Variants in NFATC3 observed in about 807,000 individuals in gnomAD.
NFATC3 encodes nuclear factor of activated T cells 3.
Under a neutral mutation model 98.6 loss-of-function variants are expected in NFATC3, and 46 were observed. The ratio of observed to expected loss-of-function variants is 0.47; its 90% CI spans 0.37 to 0.60. The LOEUF (loss-of-function observed/expected upper bound fraction) is 0.60. NFATC3 is among the 20% of genes least tolerant of loss of function. The pLI, the probability that NFATC3 is intolerant of heterozygous loss-of-function variation, is 0.00. For missense variants in NFATC3, 1,256 were observed against 1,295.5 expected (o/e 0.97, Z 0.47); for synonymous variants, 512 against 472.2 (o/e 1.08, Z -1.09).
Position 68,085,661 on chromosome 16 carries a change from G to A in NFATC3, c.-21G>A. The stretch of plus-strand genomic sequence containing the variant: ...CGCCGCCGCCGCCTGAGGAGGAGCT[G>A]CAGCACCCTGGGCCACGCCGATGAC... On this transcript the variant is annotated 5_prime_UTR_variant, in exon 1 of 10. Coordinates refer to ENST00000346183, the MANE Select transcript of NFATC3 (RefSeq NM_173165.3). 6.7e-7 allele frequency: 1 copy of A among 1,500,318 alleles called. No individual in the cohort carries two copies. The highest frequency in any genetic ancestry group is 1.2e-5 in the South Asian group (1 of 80,078). The allele number at this position is 1,500,318 out of a possible 1,614,324, so 92.9% of individuals were successfully genotyped here. A position where few individuals can be genotyped will look rare whatever the true frequency, so the allele number is the denominator to read the frequency against.
chr16:68,189,078 C>G (rs1440835967), intron 8 of NFATC3, among the ~76,000 whole-genome samples: 3 of 152,170 alleles, frequency 2.0e-5, no homozygotes, highest in Non-Finnish European at 4.4e-5. Context: ...TGTTCTTTCC[C>G]CCATTGAATG....
At chr16:68,224,171 T>C (rs889929962) in intron 9 of NFATC3, among the ~76,000 whole-genome samples, 3 of 150,494 alleles carry the variant, frequency 2.0e-5, no homozygotes, top group African/African-American at 7.3e-5. Flanking sequence ...AGTTATTAGC[T>C]CACCAGTATT....
chr16:68,164,998 T>G (rs557447572), intron 4 of NFATC3, among the ~76,000 whole-genome samples: 42 of 152,362 alleles, frequency 2.8e-4, no homozygotes, highest in East Asian at 9.6e-4. Flanking sequence ...GCTTTTTTGT[T>G]TTTTGCATTT....
intron 9 of NFATC3, among the ~76,000 whole-genome samples, chr16:68,220,527 T>C (rs1450020631): frequency 2.0e-5 from 3 of 151,616 alleles, no homozygotes; most frequent in Non-Finnish European, 4.4e-5. Context: ...CCTTATACTC[T>C]TATCTTAAAT....
At chr16:68,137,808 G>A (rs190525961) in intron 3 of NFATC3, among the ~76,000 whole-genome samples, 1 of 151,866 alleles carries the variant, frequency 6.6e-6, no homozygotes, top group East Asian at 1.9e-4. Flanking sequence ...AGTAGAGATG[G>A]GGTTTCACCG....
chr16:68,114,763 C>T (rs982357392), intron 1 of NFATC3, among the ~76,000 whole-genome samples: 8 of 151,862 alleles, frequency 5.3e-5, no homozygotes, highest in South Asian at 2.1e-4. Flanking sequence ...TTAGTAGAGA[C>T]GGGGTTTCAC....
At chr16:68,111,522 A>G (rs2035945564) in intron 1 of NFATC3, among the ~76,000 whole-genome samples, 1 of 152,046 alleles carries the variant, frequency 6.6e-6, no homozygotes, top group Admixed American at 6.5e-5. Context: ...ATGTCTTTGC[A>G]TGTTAGATGG....
chr16:68,136,372 A>T (rs1024147985), intron 3 of NFATC3, among the ~76,000 whole-genome samples: 2 of 152,024 alleles, frequency 1.3e-5, no homozygotes, highest in Admixed American at 6.6e-5. Context: ...GGCTCAAGCG[A>T]TCCTCTCCAC....
At chr16:68,138,702 T>C in intron 3 of NFATC3, 1 of 1,287,972 alleles carries the variant, frequency 7.8e-7, no homozygotes, top group Non-Finnish European at 1.0e-6. Context: ...GCAGAAGTAC[T>C]GGGAAAAGTA....
At chr16:68,159,146 C>G (rs940124082) in intron 4 of NFATC3, among the ~76,000 whole-genome samples, 20 of 152,184 alleles carry the variant, frequency 1.3e-4, no homozygotes, top group African/African-American at 3.9e-4. Context: ...GTAGGAGGAT[C>G]ACTTGCCCGG....
chr16:68,104,850 T>G (rs1349561074), intron 1 of NFATC3, among the ~76,000 whole-genome samples: 1 of 151,950 alleles, frequency 6.6e-6, no homozygotes, highest in Non-Finnish European at 1.5e-5. Flanking sequence ...GAGACAGGGC[T>G]TCACCATGTT....
chr16:68,196,414 C>T lies in NFATC3; in HGVS notation c.3106+4639C>T, dbSNP rs554854636. ...GGGATTACAGGCATGAGCCACCATG[C>T]CCAGCCTAAAATGAATTTTTGATAT... On this transcript the variant is annotated intron_variant, in intron 9 of 9. Transcript: ENST00000346183. Among the ~76,000 whole-genome samples the T allele has an allele frequency of 2.6e-4, 39 of 152,286 alleles. No homozygotes were observed. In the East Asian group the frequency reaches 6.6e-3, roughly 26 times the overall value.
intron 1 of NFATC3, among the ~76,000 whole-genome samples, chr16:68,101,711 C>T (rs1242757711): frequency 6.6e-6 from 1 of 151,874 alleles, no homozygotes; most frequent in Non-Finnish European, 1.5e-5. Context: ...TCTTGATCCC[C>T]TGACCTCATG....
In NFATC3 at chr16:68,191,185, C is replaced by T; in HGVS notation, c.2516C>T (p.Ser839Phe). 2.5e-6 allele frequency: 4 copies of T among 1,614,180 alleles called. No individual in the cohort carries two copies. In the African/African-American group the frequency reaches 4.0e-5, roughly 16 times the overall value. Residue 839 changes from serine to phenylalanine, a missense_variant, in exon 9 of 10, where the codon TCT (serine) becomes TTT (phenylalanine). Ser to Phe is a radical substitution (Grantham distance 155, BLOSUM62 -2). Coordinates refer to ENST00000346183, the MANE Select transcript of NFATC3 (RefSeq NM_173165.3). Reference sequence around the variant, plus strand: ...TTGTTTCAGCAGGATGCAACTCTTTCTGGTTTAGTGAATCTTGGCTGTCAA... The same window carrying T: ...TTGTTTCAGCAGGATGCAACTCTTTTTGGTTTAGTGAATCTTGGCTGTCAA... ...SVLFQQDATL[S>F]GLVNLGCQPL...
chr16:68,227,155 T>C lies in NFATC3; in HGVS notation c.*684T>C, dbSNP rs1386577673. 6.6e-6 allele frequency: 1 copy of C among 152,180 alleles called. No homozygotes were observed. Among genetic ancestry groups the C allele is most frequent in the Non-Finnish European group, 1.5e-5 (1 of 68,040 alleles). The allele number at this position is 152,180 out of a possible 1,614,324, so 9.4% of individuals were successfully genotyped here. ...GACATTCCAGAGCATAGCCTTTTGG[T>C]AACTTTCTAGGTAATCTTGCAATCT... On this transcript the variant is annotated 3_prime_UTR_variant, in exon 10 of 10. Coordinates refer to ENST00000346183, the MANE Select transcript of NFATC3 (RefSeq NM_173165.3).
intron 8 of NFATC3, among the ~76,000 whole-genome samples, chr16:68,188,067 G>A (rs530381722): frequency 1.3e-5 from 2 of 152,186 alleles, no homozygotes; most frequent in South Asian, 2.1e-4. Context: ...GGCTGAGGCG[G>A]CAGGGGTCTG....
intron 3 of NFATC3, among the ~76,000 whole-genome samples, chr16:68,151,187 TA>T (rs796463922): frequency 7.9e-4 from 113 of 143,328 alleles, no homozygotes; most frequent in Admixed American, 8.4e-4. Flanking sequence ...GACCCCATCT[TA>T]AAAAAAAAAA....
chr16:68,202,605 A>AGTT (rs1459879550), intron 9 of NFATC3, among the ~76,000 whole-genome samples: 1 of 152,176 alleles, frequency 6.6e-6, no homozygotes, highest in African/African-American at 2.4e-5. Context: ...TGAGGTCAAG[A>AGTT]GTTTGAGACC....
Position 68,191,524 on chromosome 16 carries a change from A to G in NFATC3, c.2855A>G (p.Tyr952Cys). The G allele has an allele frequency of 6.2e-7, 1 of 1,614,128 alleles. No individual in the cohort carries two copies. The highest frequency in any genetic ancestry group is 8.5e-7 in the Non-Finnish European group (1 of 1,180,040). The change falls in exon 9 of 10, where the codon TAC becomes TGC. Residue 952 changes from tyrosine to cysteine, a missense_variant. This residue lies in a region of NFATC3 where 636 missense variants were observed against 617.3 expected (regional missense o/e 1.03). Coordinates refer to ENST00000346183, the MANE Select transcript of NFATC3 (RefSeq NM_173165.3). ...PPSPQLQPMP[Y>C]QSPSSGTASS... ...TCTCCTCAGCTTCAGCCTATGCCTT[A>G]CCAATCTCCTAGCTCAGGAACTGCC... is the stretch of plus-strand genomic sequence containing the variant.
Sources: gnomAD v4.1 joint callset for allele counts (sites outside exome capture counted in the v4.1 genomes callset) on GRCh38, gnomAD v4.1.1 for gene constraint, gnomAD v4.1.1 regional missense constraint, MANE v1.5 for transcripts, NCBI Gene and HGNC (gene_info 2026-07-23, HGNC 2026-07-21) for gene names.